ABCC11: variants seen among roughly 807,000 people sequenced by gnomAD.
ABCC11 encodes the protein ATP binding cassette subfamily C member 11, also known as ATP-binding cassette sub-family C member 11.
A neutral mutation model predicts 149.3 loss-of-function variants in ABCC11; 135 were observed. That is an observed-to-expected ratio of 0.90 (90% confidence interval 0.79 to 1.04). ABCC11 has a LOEUF of 1.04. Among genes scored for constraint, ABCC11 ranks in the 50% least tolerant of loss-of-function variants. The probability of loss-of-function intolerance (pLI) is 0.00; values close to 1 mark genes in which losing one functional copy is unlikely to be tolerated. For missense variants in ABCC11, 1,680 were observed against 1,722.1 expected (o/e 0.98, Z 0.43); for synonymous variants, 665 against 671.4 (o/e 0.99, Z 0.15).
rs1970881727 is a variant in ABCC11, at chr16:48,239,968, AGT to A, written c.-19+7344_-19+7345del. ...TTAGAGAAATGCAAATCAAAACCAC[AGT>A]GAGATGCCATCTTACACCAGTCAGA... On this transcript the variant is annotated intron_variant, in intron 1 of 29. Transcript: ENST00000356608. Among the ~76,000 whole-genome samples, 3 of 152,262 alleles carry A rather than the reference AGT, an allele frequency of 2.0e-5. No individual in the cohort carries two copies. In the South Asian group the frequency reaches 6.2e-4, roughly 31 times the overall value.
At position 48,208,428 on chromosome 16, in the gene ABCC11, C is replaced by T; in HGVS notation, c.1677G>A (p.Glu559=). ...CATGTGGCCACAGATCACTTACCTC[C>T]TCCAGGATGGCTGACAACAGGCTGC... ...GKSSLLSAIL[E]EMHLLEGSVG... The change falls in exon 12 of 30, where the codon GAG becomes GAA. Residue 559 remains glutamate (E), a synonymous_variant. Coordinates refer to ENST00000356608, the MANE Select transcript of ABCC11 (RefSeq NM_001370497.1). 6.2e-7 allele frequency: 1 copy of T among 1,614,196 alleles called. No individual in the cohort carries two copies. The highest frequency in any genetic ancestry group is 8.5e-7 in the Non-Finnish European group (1 of 1,180,014).
chr16:48,203,577 G>A (rs945129919), intron 13 of ABCC11, among the ~76,000 whole-genome samples: 2 of 152,136 alleles, frequency 1.3e-5, no homozygotes, highest in South Asian at 2.1e-4. Flanking sequence ...CTCAAAAGCA[G>A]TCACTCTTGG....
At chr16:48,195,739 T>C (rs1967340936) in intron 18 of ABCC11, among the ~76,000 whole-genome samples, 1 of 152,208 alleles carries the variant, frequency 6.6e-6, no homozygotes, top group African/African-American at 2.4e-5. Flanking sequence ...GTCCCACCAC[T>C]GTGACCTTTT....
At chr16:48,175,560 G>C (rs1264235728) in intron 25 of ABCC11, 143 bp from the exon 26 acceptor site, 8 of 1,004,492 alleles carry the variant, frequency 8.0e-6, no homozygotes, top group Non-Finnish European at 1.1e-5. Context: ...GTAGGAGAGG[G>C]CTGGCGTCCC....
chr16:48,212,227 C>T (rs1968987029), intron 10 of ABCC11, among the ~76,000 whole-genome samples: 1 of 152,160 alleles, frequency 6.6e-6, no homozygotes, highest in African/African-American at 2.4e-5. Flanking sequence ...TTGCTGTTTC[C>T]TCAGCCTGGT....
Position 48,231,861 on chromosome 16 carries a change from T to C in ABCC11, c.61A>G (p.Ile21Val), listed in dbSNP as rs1439498289. The C allele has an allele frequency of 1.9e-6, 3 of 1,614,204 alleles. No individual in the cohort carries two copies. The highest frequency in any genetic ancestry group is 1.3e-5 in the African/African-American group (1 of 75,054). ...NSSGGLVNRG[I>V]DIGDDMVSGL... Reference sequence around the variant, plus strand: ...GAAACCATGTCATCGCCTATGTCGATGCCACGATTCACGAGGCCACCAGAA... The same window carrying C: ...GAAACCATGTCATCGCCTATGTCGACGCCACGATTCACGAGGCCACCAGAA... The change falls in exon 2 of 30, where the codon ATC becomes GTC. Residue 21 changes from isoleucine (I) to valine (V), a missense_variant. Transcript: ENST00000356608.
intron 6 of ABCC11, among the ~76,000 whole-genome samples, chr16:48,222,034 C>T (rs1352792646): frequency 2.0e-5 from 3 of 151,796 alleles, no homozygotes; most frequent in African/African-American, 7.3e-5. Flanking sequence ...CCCACCTCAG[C>T]CTCCTGAGTA....
chr16:48,225,086 C>G (rs1969987115), intron 4 of ABCC11, among the ~76,000 whole-genome samples: 2 of 150,770 alleles, frequency 1.3e-5, no homozygotes, highest in South Asian at 4.2e-4. Flanking sequence ...CAGTCGGGTG[C>G]CTGTAGTCCC....
chr16:48,193,966 G>A lies in ABCC11; in HGVS notation c.2421C>T (p.Cys807=), dbSNP rs1191999168. ...TCAGCACCACGAAGAAGAAAATTAT[G>A]CAAGAGACCATGTAACCTGGGAGGG... is the stretch of plus-strand genomic sequence containing the variant. ...IQAAGGYMVS[C]IIFFFVVLIV... Residue 807 remains cysteine, a synonymous_variant, in exon 19 of 30, where the codon TGC becomes TGT. Transcript: ENST00000356608. The A allele has an allele frequency of 6.2e-7, 1 of 1,613,094 alleles. No individual in the cohort carries two copies. The highest frequency in any genetic ancestry group is 8.5e-7 in the Non-Finnish European group (1 of 1,179,134).
At position 48,244,812 on chromosome 16, in the gene ABCC11, G is replaced by T. The variant is rs375464394; in HGVS notation, c.-19+2502C>A. On this transcript the variant is annotated intron_variant, in intron 1 of 29. Transcript: ENST00000356608. ...CTGCCCCATGACCATGAATGAGATCGTTCATGAAGTAGTGCCTGACACCTG... is the reference window on the plus strand; with the variant it reads ...CTGCCCCATGACCATGAATGAGATCTTTCATGAAGTAGTGCCTGACACCTG... Among the ~76,000 whole-genome samples the T allele has an allele frequency of 4.3e-3, 650 of 152,312 alleles. 5 individuals carry two copies. The highest frequency in any genetic ancestry group is 0.015 in the African/African-American group (615 of 41,576).
intron 1 of ABCC11, chr16:48,244,195 C>T (rs566180274): frequency 6.1e-4 from 305 of 503,424 alleles, no homozygotes; most frequent in Admixed American, 1.1e-3. Context: ...ATAGGTAGGA[C>T]GCTCAAGTCT....
chr16:48,216,100 G>T lies in ABCC11; in HGVS notation c.951+14C>A. On this transcript the variant is annotated intron_variant, in intron 7 of 29. Coordinates refer to ENST00000356608, the MANE Select transcript of ABCC11 (RefSeq NM_001370497.1). ...GGGGCCCAGCATCAAATGGGTGACAGAGAAAGACATTACCGCCAGTGGGAA... is the reference window on the plus strand; with the variant it reads ...GGGGCCCAGCATCAAATGGGTGACATAGAAAGACATTACCGCCAGTGGGAA... The T allele has an allele frequency of 6.2e-7, 1 of 1,612,214 alleles. No homozygotes were observed. Among genetic ancestry groups the T allele is most frequent in the South Asian group, 1.1e-5 (1 of 90,852 alleles).
chr16:48,178,707 C>A, intron 23 of ABCC11, 21 bp from the exon 24 acceptor site: 1 of 1,612,022 alleles, frequency 6.2e-7, no homozygotes, highest in Non-Finnish European at 8.5e-7. Flanking sequence ...GGAGAAGTAT[C>A]GGGGGTCAAG....
Position 48,244,214 on chromosome 16 carries a change from G to A in ABCC11, c.-19+3100C>T, listed in dbSNP as rs997908153. 1.5e-5 allele frequency: 8 copies of A among 519,120 alleles called. No individual in the cohort carries two copies. In the African/African-American group the frequency reaches 1.6e-4, roughly 10 times the overall value. The allele number at this position is 519,120 out of a possible 1,614,324, so 32.2% of individuals were successfully genotyped here. On this transcript the variant is annotated intron_variant, in intron 1 of 29. Transcript: ENST00000356608. The stretch of plus-strand genomic sequence containing the variant: ...GTAGGACGCTCAAGTCTTACCGGGA[G>A]GCTCTCCTAGAGAGCAGCGCGAAGC...
rs771344220 is a variant in ABCC11, at chr16:48,213,398, G to A, written c.1356+45C>T. ...AACATCATGGGGGCTGAAGGCAGAG[G>A]AGCGTCCAAGCAGGGGGCCTACAGC... On this transcript the variant is annotated intron_variant, in intron 10 of 29. Coordinates refer to ENST00000356608, the MANE Select transcript of ABCC11 (RefSeq NM_001370497.1). 5.9e-6 allele frequency: 9 copies of A among 1,531,318 alleles called. No homozygotes were observed. The South Asian group carries it at 6.9e-5, about 12-fold the overall frequency. The allele number at this position is 1,531,318 out of a possible 1,614,324, so 94.9% of individuals were successfully genotyped here.
chr16:48,206,541 C>A (rs762532363), intron 12 of ABCC11, among the ~76,000 whole-genome samples: 5 of 152,160 alleles, frequency 3.3e-5, no homozygotes, highest in Non-Finnish European at 5.9e-5. Flanking sequence ...CTTTTATACC[C>A]TAAAATGTTT....
rs1567271668 is a variant in ABCC11 at position 48,215,180 on chromosome 16, AG to A, written c.1099+16del. 6.2e-7 allele frequency: 1 copy of A among 1,603,016 alleles called. No homozygotes were observed. Among genetic ancestry groups the A allele is most frequent in the South Asian group, 1.1e-5 (1 of 90,570 alleles). ...TGCCATCACCAGGTTTGGAGCAGAA[AG>A]TCAGACTTTCCATACCTTCAATGAT... On this transcript the variant is annotated intron_variant, in intron 8 of 29. Coordinates refer to ENST00000356608, the MANE Select transcript of ABCC11 (RefSeq NM_001370497.1).
intron 1 of ABCC11, among the ~76,000 whole-genome samples, chr16:48,243,272 G>A (rs1490208929): frequency 2.0e-5 from 3 of 151,748 alleles, no homozygotes; most frequent in African/African-American, 7.3e-5. Context: ...GTGGTTGCGG[G>A]TGCCTGTAGT....
At chr16:48,245,490 G>A (rs983066358) in intron 1 of ABCC11, among the ~76,000 whole-genome samples, 3 of 152,168 alleles carry the variant, frequency 2.0e-5, no homozygotes, top group African/African-American at 7.2e-5. Context: ...TGACTTTGCT[G>A]TCCAGTACTG....
Sources: allele counts gnomAD v4.1 joint callset (sites outside exome capture counted in the v4.1 genomes callset), GRCh38; gene constraint gnomAD v4.1.1; transcripts MANE v1.5; gene names NCBI Gene and HGNC (gene_info 2026-07-23, HGNC 2026-07-21).